MAD1L1: variants seen among roughly 807,000 people sequenced by gnomAD.
The protein encoded by MAD1L1 is mitotic arrest deficient 1 like 1, also known as mitotic spindle assembly checkpoint protein MAD1.
In MAD1L1, 95 loss-of-function variants were observed where a neutral mutation model predicts 96.9. The ratio of observed to expected loss-of-function variants is 0.98; its 90% CI spans 0.83 to 1.16. The LOEUF (loss-of-function observed/expected upper bound fraction) is 1.16, where lower values mean the gene tolerates loss of function less well. Among genes scored for constraint, MAD1L1 ranks in the 50% most tolerant of loss-of-function variants. MAD1L1 has a pLI of 0.00. For synonymous variants in MAD1L1, 473 were observed against 396.6 expected, an observed-to-expected ratio of 1.19 and a Z score of -2.29; for missense variants, 1,007 against 954.4, an observed-to-expected ratio of 1.06 and a Z score of -0.73.
intron 18 of MAD1L1, among the ~76,000 whole-genome samples, chr7:1,832,159 G>T (rs1023626856): frequency 6.6e-5 from 10 of 152,178 alleles, no homozygotes; most frequent in African/African-American, 2.2e-4. Flanking sequence ...TGATTTATGA[G>T]AGGAGGTCAA....
At chr7:1,910,471 ACCC>A (rs1297805819) in intron 17 of MAD1L1, among the ~76,000 whole-genome samples, 1 of 152,106 alleles carries the variant, frequency 6.6e-6, no homozygotes, top group African/African-American at 2.4e-5. Flanking sequence ...TGTTGAGGGG[ACCC>A]CTTGAACACC....
intron 18 of MAD1L1, among the ~76,000 whole-genome samples, chr7:1,894,601 G>A (rs549650872): frequency 6.6e-6 from 1 of 152,312 alleles, no homozygotes; most frequent in African/African-American, 2.4e-5. Flanking sequence ...CATGCCCAGT[G>A]TCAGCCCTCA....
rs760799311 is a variant in MAD1L1, at chr7:1,816,096, G to C, written c.2131C>G (p.Leu711Val). ...TACGCCACGGTCTGGCGGCTGAAGAGCTCGAGGGTGAGCGAGCTGAGGAAG... is the reference window on the plus strand; with the variant it reads ...TACGCCACGGTCTGGCGGCTGAAGACCTCGAGGGTGAGCGAGCTGAGGAAG... ...PAFLSSLTLE[L>V]FSRQTVA is the part of the protein sequence containing the mutation. Residue 711 changes from leucine to valine, a missense_variant, in exon 19 of 19, where the codon CTC (leucine) becomes GTC (valine). Leu to Val is a conservative substitution (Grantham distance 32). Transcript: ENST00000265854. The C allele has an allele frequency of 2.5e-6, 4 of 1,612,158 alleles. No homozygotes were observed. The South Asian group carries it at 4.4e-5, about 18-fold the overall frequency.
At chr7:1,892,223 C>T (rs189746539) in intron 18 of MAD1L1, among the ~76,000 whole-genome samples, 4 of 152,328 alleles carry the variant, frequency 2.6e-5, no homozygotes, top group Non-Finnish European at 4.4e-5. Flanking sequence ...TGGCAGCAGC[C>T]GGCTAAACCA....
chr7:1,855,347 G>A (rs1390652377), intron 18 of MAD1L1, among the ~76,000 whole-genome samples: 3 of 151,976 alleles, frequency 2.0e-5, no homozygotes, highest in Non-Finnish European at 1.5e-5. Context: ...CGATGACAGC[G>A]ACAAGCTGAG....
intron 18 of MAD1L1, among the ~76,000 whole-genome samples, chr7:1,890,421 T>C (rs1583672981): frequency 6.6e-6 from 1 of 152,244 alleles, no homozygotes; most frequent in Non-Finnish European, 1.5e-5. Flanking sequence ...TCCTGCCATG[T>C]GATCTCTGCC....
chr7:2,070,264 G>A (rs771721061), intron 11 of MAD1L1, among the ~76,000 whole-genome samples: 17 of 152,206 alleles, frequency 1.1e-4, no homozygotes, highest in Non-Finnish European at 2.5e-4. Context: ...ACGGCTTTCT[G>A]TGATTCCGGG....
In MAD1L1 at chr7:2,182,394, G is replaced by A. The variant is rs923427276; in HGVS notation, c.986+30818C>T. On this transcript the variant is annotated intron_variant, in intron 10 of 18. Transcript: ENST00000265854. ...CGGAATCTTCATATACTGCTGGTGG[G>A]AATGTAAAATGGTGTAGTTACTATG... 1.9e-4 allele frequency among the ~76,000 whole-genome samples: 29 copies of A among 151,962 alleles called. 1 individual carries two copies. Among genetic ancestry groups the A allele is most frequent in the Non-Finnish European group, 1.5e-5 (1 of 67,932 alleles).
At chr7:2,052,879 GC>G (rs1228388742) in intron 12 of MAD1L1, among the ~76,000 whole-genome samples, 1 of 152,016 alleles carries the variant, frequency 6.6e-6, no homozygotes, top group East Asian at 1.9e-4. Context: ...GACCTCCGGG[GC>G]CATGGGGAGA....
chr7:2,140,799 C>CA (rs1788990552), intron 11 of MAD1L1, among the ~76,000 whole-genome samples: 1 of 152,254 alleles, frequency 6.6e-6, no homozygotes, highest in South Asian at 2.1e-4. Context: ...TCTCCTATGG[C>CA]AACTGCCACA....
chr7:2,198,348 C>T (rs1052029889), intron 10 of MAD1L1, among the ~76,000 whole-genome samples: 10 of 152,138 alleles, frequency 6.6e-5, no homozygotes, highest in Non-Finnish European at 1.3e-4. Flanking sequence ...CCCAAGAGCC[C>T]GCCTTTGCTT....
chr7:2,174,903 G>A (rs973577966), intron 10 of MAD1L1, among the ~76,000 whole-genome samples: 2 of 152,274 alleles, frequency 1.3e-5, no homozygotes, highest in African/African-American at 4.8e-5. Context: ...CAGATGTCTA[G>A]GAGGCTCTGA....
intron 15 of MAD1L1, among the ~76,000 whole-genome samples, chr7:1,959,054 C>T (rs1236452608): frequency 6.6e-6 from 1 of 152,170 alleles, no homozygotes; most frequent in African/African-American, 2.4e-5. Context: ...GAGTTCAAAA[C>T]CAGCCTGGCC....
intron 13 of MAD1L1, among the ~76,000 whole-genome samples, chr7:2,008,262 T>A (rs113724348): frequency 0.019 from 2,876 of 152,148 alleles, 49 homozygotes; most frequent in Non-Finnish European, 0.03. Context: ...ACAGCGCAAC[T>A]CCAGGCTGGT....
chr7:2,076,008 G>C (rs1785356032), intron 11 of MAD1L1, among the ~76,000 whole-genome samples: 1 of 152,234 alleles, frequency 6.6e-6, no homozygotes, highest in African/African-American at 2.4e-5. Context: ...GGCTCTGAGA[G>C]AGGCCAGGAC....
intron 14 of MAD1L1, among the ~76,000 whole-genome samples, chr7:2,001,108 G>A (rs1340399224): frequency 1.3e-5 from 2 of 152,356 alleles, no homozygotes; most frequent in Non-Finnish European, 2.9e-5. Flanking sequence ...TGGAGAGGAA[G>A]GCCCTGAGGC....
chr7:2,122,777 G>C (rs1406207016), intron 11 of MAD1L1, among the ~76,000 whole-genome samples: 2 of 152,308 alleles, frequency 1.3e-5, no homozygotes, highest in South Asian at 4.1e-4. Flanking sequence ...ACGGGTGAAG[G>C]GTTGCTAAAG....
chr7:2,149,987 G>A (rs1314237774), intron 10 of MAD1L1, among the ~76,000 whole-genome samples: 1 of 152,226 alleles, frequency 6.6e-6, no homozygotes, highest in Non-Finnish European at 1.5e-5. Context: ...CCAGTGGCAT[G>A]TGAGCTCAGG....
chr7:2,091,596 A>G (rs570169625), intron 11 of MAD1L1, among the ~76,000 whole-genome samples: 84 of 152,314 alleles, frequency 5.5e-4, no homozygotes, highest in African/African-American at 1.9e-3. Flanking sequence ...TAACAGGGTG[A>G]AACCCCGTCT....
Sources: allele counts gnomAD v4.1 joint callset (sites outside exome capture counted in the v4.1 genomes callset), GRCh38; gene constraint gnomAD v4.1.1; transcripts MANE v1.5; gene names NCBI Gene and HGNC (gene_info 2026-07-23, HGNC 2026-07-21).